Variants in GOLIM4 observed in about 807,000 individuals in gnomAD.
GOLIM4 encodes the protein 130 kDa golgi-localized phosphoprotein.
Under a neutral mutation model 107.4 loss-of-function variants are expected in GOLIM4, and 71 were observed. The observed-to-expected ratio is 0.66, with a 90% CI of 0.55 to 0.81. The LOEUF is 0.81. Ranked by LOEUF, GOLIM4 falls within the 30% of genes least tolerant of loss-of-function variation. The pLI, the probability that GOLIM4 is intolerant of heterozygous loss-of-function variation, is 0.00. For synonymous variants in GOLIM4, 327 were observed against 294.8 expected (o/e 1.11, Z -1.12); for missense variants, 830 against 826.1 (o/e 1.00, Z -0.06).
Position 168,036,915 on chromosome 3 carries a change from T to C in GOLIM4, c.764A>G (p.Gln255Arg), listed in dbSNP as rs566871927. 1.2e-6 allele frequency: 2 copies of C among 1,607,930 alleles called. No homozygotes were observed. Among genetic ancestry groups the C allele is most frequent in the East Asian group, 2.2e-5 (1 of 44,856 alleles). Residue 255 changes from glutamine to arginine, a missense_variant, in exon 8 of 16, where the codon CAG (glutamine) becomes CGG (arginine). Gln to Arg is a conservative substitution (Grantham distance 43). Coordinates refer to ENST00000470487, the MANE Select transcript of GOLIM4 (RefSeq NM_014498.5). ...ATGTGCCACCTGGGTCACATTTTGC[T>C]GTTCTGCTGGATCAGGTTTTCGAAG... The part of the protein sequence containing the change: ...PSLRKPDPAE[Q>R]QNVTQVAHSP...
At chr3:168,030,810 C>G (rs1187407107) in intron 9 of GOLIM4, among the ~76,000 whole-genome samples, 1 of 152,016 alleles carries the variant, frequency 6.6e-6, no homozygotes, top group South Asian at 2.1e-4. Flanking sequence ...GGAGGTTCCT[C>G]AAAAAGCTAA....
At position 168,010,128 on chromosome 3, in the gene GOLIM4, G is replaced by A. The variant is rs532620460; in HGVS notation, c.*141C>T. 4.4e-5 allele frequency: 27 copies of A among 616,808 alleles called. No individual in the cohort carries two copies. The highest frequency in any genetic ancestry group is 1.5e-4 in the African/African-American group (8 of 53,342). 38.2% of individuals were successfully genotyped at this position (616,808 alleles called of 1,614,324 possible). A position where few individuals can be genotyped will look rare whatever the true frequency, so the allele number is the denominator to read the frequency against. On this transcript the variant is annotated 3_prime_UTR_variant, in exon 16 of 16. Transcript: ENST00000470487. ...AAAATATATTCATATAAATGTATGC[G>A]CATTTCTAATACAAAAGTTTTAAAA...
At chr3:168,051,047 A>C (rs1261238088) in intron 1 of GOLIM4, among the ~76,000 whole-genome samples, 3 of 152,090 alleles carry the variant, frequency 2.0e-5, no homozygotes, top group Non-Finnish European at 4.4e-5. Context: ...ATGCAGCAGC[A>C]ATCAGGGTAA....
intron 3 of GOLIM4, among the ~76,000 whole-genome samples, chr3:168,045,705 T>C (rs544143413): frequency 6.6e-6 from 1 of 152,240 alleles, no homozygotes; most frequent in South Asian, 2.1e-4. Flanking sequence ...TATACACTCA[T>C]GCATTTTTTT....
At chr3:168,083,946 G>T (rs1222444930) in intron 1 of GOLIM4, among the ~76,000 whole-genome samples, 1 of 152,108 alleles carries the variant, frequency 6.6e-6, no homozygotes, top group Non-Finnish European at 1.5e-5. Context: ...CCAAGATTAG[G>T]TTATTAAAAC....
chr3:168,032,875 A>G, intron 8 of GOLIM4, 23 bp from the exon 9 acceptor site: 2 of 1,532,720 alleles, frequency 1.3e-6, no homozygotes, highest in Non-Finnish European at 1.8e-6. Context: ...CATCACTGGG[A>G]ATGACACTCT....
chr3:168,073,990 T>C (rs866034225), intron 1 of GOLIM4, among the ~76,000 whole-genome samples: 1 of 151,918 alleles, frequency 6.6e-6, no homozygotes, highest in Non-Finnish European at 1.5e-5. Flanking sequence ...ACCACCAAGA[T>C]GAGGTTATAA....
chr3:168,095,387 G>T lies in GOLIM4; in HGVS notation c.-102C>A. The T allele has an allele frequency of 2.1e-6, 2 of 932,498 alleles. No individual in the cohort carries two copies. Among genetic ancestry groups the T allele is most frequent in the South Asian group, 1.5e-5 (1 of 65,016 alleles). 57.8% of individuals were successfully genotyped at this position (932,498 alleles called of 1,614,324 possible). On this transcript the variant is annotated 5_prime_UTR_variant, in exon 1 of 16. In the 5' UTR this introduces an upstream ATG that the reference lacks. Transcript: ENST00000470487. Reference sequence around the variant, plus strand: ...CCGCCGCAGTAGGTGGCCAGACGCAGCATGAGGAGGAGATGCCAGACACAA... The same window carrying T: ...CCGCCGCAGTAGGTGGCCAGACGCATCATGAGGAGGAGATGCCAGACACAA...
At chr3:168,047,647 A>G (rs1192413475) in intron 2 of GOLIM4, among the ~76,000 whole-genome samples, 1 of 152,232 alleles carries the variant, frequency 6.6e-6, no homozygotes, top group African/African-American at 2.4e-5. Context: ...AAGATTTATC[A>G]TAAAACATGA....
At chr3:168,044,435 A>C (rs1419826261) in intron 4 of GOLIM4, among the ~76,000 whole-genome samples, 1 of 152,220 alleles carries the variant, frequency 6.6e-6, no homozygotes, top group East Asian at 1.9e-4. Context: ...ACATTTATTA[A>C]ATATTAGTAA....
At chr3:168,014,354 T>C (rs1399611396) in intron 14 of GOLIM4, among the ~76,000 whole-genome samples, 1 of 146,070 alleles carries the variant, frequency 6.8e-6, no homozygotes, top group Non-Finnish European at 1.5e-5. Flanking sequence ...AAGTTGAATC[T>C]CTGAATAGAC....
At chr3:168,052,515 T>C (rs180674446) in intron 1 of GOLIM4, among the ~76,000 whole-genome samples, 1 of 148,008 alleles carries the variant, frequency 6.8e-6, no homozygotes, top group Non-Finnish European at 1.5e-5. Context: ...AAAAAGCAAA[T>C]AATAATTCCA....
chr3:168,055,151 G>A (rs1339942601), intron 1 of GOLIM4, among the ~76,000 whole-genome samples: 1 of 152,122 alleles, frequency 6.6e-6, no homozygotes. Flanking sequence ...CTGCTGAAAA[G>A]ATACCCAAAA....
intron 1 of GOLIM4, among the ~76,000 whole-genome samples, chr3:168,085,350 C>T (rs1314573685): frequency 1.3e-5 from 2 of 152,208 alleles, no homozygotes; most frequent in Non-Finnish European, 2.9e-5. Flanking sequence ...TTCCTCAGAG[C>T]CTCATAATGA....
At chr3:168,026,881 T>G (rs1187241656) in intron 12 of GOLIM4, among the ~76,000 whole-genome samples, 1 of 152,196 alleles carries the variant, frequency 6.6e-6, no homozygotes, top group Non-Finnish European at 1.5e-5. Context: ...CAGGATGACT[T>G]TCTTGATGAT....
At chr3:168,021,910 C>G (rs912447355) in intron 14 of GOLIM4, among the ~76,000 whole-genome samples, 5 of 152,132 alleles carry the variant, frequency 3.3e-5, no homozygotes, top group African/African-American at 4.8e-5. Flanking sequence ...TTAAAGCTTA[C>G]ACGGCACTTT....
intron 1 of GOLIM4, 32 bp downstream of exon 1, chr3:168,095,067 G>C (rs1313269442): frequency 7.7e-6 from 12 of 1,555,680 alleles, no homozygotes; most frequent in Non-Finnish European, 1.1e-5. Flanking sequence ...GGCAAAGTTG[G>C]CCACCGGCTG....
chr3:168,064,708 A>G (rs1050472596), intron 1 of GOLIM4, among the ~76,000 whole-genome samples: 1 of 149,238 alleles, frequency 6.7e-6, no homozygotes, highest in African/African-American at 2.6e-5. Flanking sequence ...AGTCGCTGGG[A>G]CTACAGGCAA....
At chr3:168,036,653 A>AGAAACTCTGGGC (rs1299279437) in intron 8 of GOLIM4, among the ~76,000 whole-genome samples, 183 bp downstream of exon 8, 7 of 152,208 alleles carry the variant, frequency 4.6e-5, no homozygotes, top group Non-Finnish European at 4.4e-5. Context: ...TAACTAAATC[A>AGAAACTCTGGGC]GAAACTCTGG....
Sources: gnomAD v4.1 joint callset for allele counts (sites outside exome capture counted in the v4.1 genomes callset) on GRCh38, gnomAD v4.1.1 for gene constraint, MANE v1.5 for transcripts, NCBI Gene and HGNC (gene_info 2026-07-23, HGNC 2026-07-21) for gene names.